Variants in COL8A1 observed in about 807,000 individuals in gnomAD.
COL8A1 encodes the protein collagen alpha-1(VIII) chain.
A neutral mutation model predicts 42.7 loss-of-function variants in COL8A1; 21 were observed. The observed-to-expected ratio is 0.49, with a 90% CI of 0.35 to 0.71. COL8A1 has a LOEUF of 0.71. Ranked by LOEUF, COL8A1 falls within the 30% of genes least tolerant of loss-of-function variation. The pLI, the probability that COL8A1 is intolerant of heterozygous loss-of-function variation, is 0.01. For synonymous variants in COL8A1, 367 were observed against 369.1 expected (o/e 0.99, Z 0.06); for missense variants, 788 against 962.4 (o/e 0.82, Z 2.40).
intron 2 of COL8A1, among the ~76,000 whole-genome samples, chr3:99,749,306 G>C (rs1396763262): frequency 6.6e-6 from 1 of 152,156 alleles, no homozygotes; most frequent in Non-Finnish European, 1.5e-5. Context: ...AAATCAGCAA[G>C]AGGGAACAGA....
Position 99,792,302 on chromosome 3 carries a change from G to A in COL8A1, c.328+1292G>A, listed in dbSNP as rs566231233. 3.3e-5 allele frequency among the ~76,000 whole-genome samples: 5 copies of A among 152,124 alleles called. No individual in the cohort carries two copies. In the East Asian group the frequency reaches 5.8e-4, roughly 18 times the overall value. On this transcript the variant is annotated intron_variant, in intron 3 of 3. Coordinates refer to ENST00000652472, the MANE Select transcript of COL8A1 (RefSeq NM_020351.4). Reference sequence around the variant, plus strand: ...TTACTCTGATGGATCCTCATATCTCGAAATGAGTTCTCTGTTTGTATTTTA... The same window carrying A: ...TTACTCTGATGGATCCTCATATCTCAAAATGAGTTCTCTGTTTGTATTTTA...
chr3:99,647,107 G>A (rs1268523886), intron 1 of COL8A1, among the ~76,000 whole-genome samples: 1 of 152,104 alleles, frequency 6.6e-6, no homozygotes. Flanking sequence ...TCACTGTATG[G>A]CTTCACAGAA....
In COL8A1 at chr3:99,704,414, G is replaced by GT. The variant is rs1275879498; in HGVS notation, c.-128-40473dup. 1.7e-3 allele frequency among the ~76,000 whole-genome samples: 252 copies of GT among 147,318 alleles called. 3 individuals carry two copies. Among genetic ancestry groups the GT allele is most frequent in the African/African-American group, 3.7e-3 (149 of 40,174 alleles). ...ACAAGGCTTATATCTTTTTTTTTCT[G>GT]TTTTTTTTTTATTAAACTTTAAGTT... On this transcript the variant is annotated intron_variant, in intron 1 of 3. Transcript: ENST00000652472.
chr3:99,696,929 T>C (rs1559781755), intron 1 of COL8A1, among the ~76,000 whole-genome samples: 1 of 152,022 alleles, frequency 6.6e-6, no homozygotes. Context: ...AAATAACTTG[T>C]TGTAATTTAG....
intron 1 of COL8A1, among the ~76,000 whole-genome samples, chr3:99,712,138 G>A (rs1939854248): frequency 6.6e-6 from 1 of 152,048 alleles, no homozygotes; most frequent in Non-Finnish European, 1.5e-5. Flanking sequence ...ATGCATTTGG[G>A]GCCATTTGTG....
At chr3:99,764,060 G>T (rs1941413513) in intron 2 of COL8A1, among the ~76,000 whole-genome samples, 1 of 152,126 alleles carries the variant, frequency 6.6e-6, no homozygotes, top group South Asian at 2.1e-4. Context: ...CTTTCTCTGT[G>T]GTAAGAACAG....
chr3:99,655,811 G>A (rs796966859), intron 1 of COL8A1, among the ~76,000 whole-genome samples: 1 of 152,274 alleles, frequency 6.6e-6, no homozygotes, highest in South Asian at 2.1e-4. Context: ...AACACACGTG[G>A]TTCTCTGAGT....
intron 1 of COL8A1, among the ~76,000 whole-genome samples, chr3:99,728,079 C>A (rs1190746314): frequency 6.6e-6 from 1 of 151,630 alleles, no homozygotes; most frequent in African/African-American, 2.4e-5. Context: ...TGAAAACTGG[C>A]ACAAGACAGG....
chr3:99,692,970 C>T (rs748362725), intron 1 of COL8A1, among the ~76,000 whole-genome samples: 29 of 152,214 alleles, frequency 1.9e-4, no homozygotes, highest in Non-Finnish European at 3.1e-4. Context: ...ACAAACCTGA[C>T]CAACATGGTG....
chr3:99,709,067 G>C (rs1939762292), intron 1 of COL8A1, among the ~76,000 whole-genome samples: 1 of 130,124 alleles, frequency 7.7e-6, no homozygotes, highest in Non-Finnish European at 1.5e-5. Flanking sequence ...TACCCTTCTG[G>C]CCATCTTGGC....
At chr3:99,743,161 C>G (rs1940941252) in intron 1 of COL8A1, among the ~76,000 whole-genome samples, 1 of 152,156 alleles carries the variant, frequency 6.6e-6, no homozygotes, top group Non-Finnish European at 1.5e-5. Context: ...TATCTCCTTT[C>G]ATATCTGTCT....
At chr3:99,790,152 G>A (rs529081160) in intron 2 of COL8A1, among the ~76,000 whole-genome samples, 4 of 152,140 alleles carry the variant, frequency 2.6e-5, no homozygotes, top group Non-Finnish European at 4.4e-5. Context: ...ATTCTAGCTC[G>A]TTTTATCATT....
intron 1 of COL8A1, among the ~76,000 whole-genome samples, chr3:99,653,658 G>T (rs1937922102): frequency 6.6e-6 from 1 of 151,266 alleles, no homozygotes; most frequent in Non-Finnish European, 1.5e-5. Context: ...TCTCATCTAA[G>T]ATCTTACCTC....
At chr3:99,761,515 G>C (rs1168194379) in intron 2 of COL8A1, among the ~76,000 whole-genome samples, 1 of 152,176 alleles carries the variant, frequency 6.6e-6, no homozygotes, top group Non-Finnish European at 1.5e-5. Context: ...GCTATTGCTA[G>C]TTTGCACCTC....
intron 1 of COL8A1, among the ~76,000 whole-genome samples, chr3:99,733,692 T>C (rs1194589065): frequency 1.3e-5 from 2 of 151,526 alleles, no homozygotes; most frequent in African/African-American, 4.8e-5. Context: ...TCAAATGGTA[T>C]TTCCAGTTCT....
intron 1 of COL8A1, among the ~76,000 whole-genome samples, chr3:99,681,988 C>T (rs573039905): frequency 3.0e-4 from 46 of 152,332 alleles, no homozygotes; most frequent in Non-Finnish European, 6.0e-4. Context: ...TGAGGCTCTG[C>T]TGCCCTGAGT....
intron 1 of COL8A1, among the ~76,000 whole-genome samples, chr3:99,727,015 T>A (rs982136285): frequency 1.5e-4 from 17 of 114,940 alleles, no homozygotes; most frequent in Admixed American, 1.2e-3. Flanking sequence ...GTATGGCCAT[T>A]TTCATGATAT....
At chr3:99,775,598 A>G (rs941702721) in intron 2 of COL8A1, among the ~76,000 whole-genome samples, 9 of 152,188 alleles carry the variant, frequency 5.9e-5, no homozygotes, top group Non-Finnish European at 1.3e-4. Flanking sequence ...CATGATGGCC[A>G]GCCTCTCTTC....
chr3:99,737,585 C>A (rs1940766087), intron 1 of COL8A1, among the ~76,000 whole-genome samples: 1 of 152,102 alleles, frequency 6.6e-6, no homozygotes, highest in Non-Finnish European at 1.5e-5. Flanking sequence ...AGGGTTTCTG[C>A]CAAGAGATCC....
Sources: allele counts gnomAD v4.1 joint callset (sites outside exome capture counted in the v4.1 genomes callset), GRCh38; gene constraint gnomAD v4.1.1; transcripts MANE v1.5; gene names NCBI Gene and HGNC (gene_info 2026-07-23, HGNC 2026-07-21).